ABCC9: variants seen among roughly 807,000 people sequenced by gnomAD.
The protein encoded by ABCC9 is ATP binding cassette subfamily C member 9.
ABCC9 carries 95 observed loss-of-function variants against 188.3 expected under a neutral mutation model. The ratio of observed to expected loss-of-function variants is 0.50; its 90% CI spans 0.43 to 0.60. The LOEUF (loss-of-function observed/expected upper bound fraction) is 0.60. Among genes scored for constraint, ABCC9 ranks in the 20% least tolerant of loss-of-function variants. The pLI is 0.00. For synonymous variants in ABCC9, 659 were observed against 652.7 expected, an observed-to-expected ratio of 1.01 and a Z score of -0.15; for missense variants, 1,102 against 1,876.3, an observed-to-expected ratio of 0.59 and a Z score of 7.62.
intron 30 of ABCC9, among the ~76,000 whole-genome samples, chr12:21,831,809 G>A (rs1425079681): frequency 2.0e-5 from 3 of 152,206 alleles, no homozygotes; most frequent in African/African-American, 7.2e-5. Flanking sequence ...CTCCCTAGAG[G>A]ACTGTGTGAT....
chr12:21,806,510 C>G (rs543369117), intron 38 of ABCC9, among the ~76,000 whole-genome samples: 2 of 152,302 alleles, frequency 1.3e-5, no homozygotes, highest in African/African-American at 4.8e-5. Flanking sequence ...ATCTCCACCA[C>G]AAAGCACTGT....
intron 16 of ABCC9, among the ~76,000 whole-genome samples, chr12:21,880,474 G>A (rs1029790673): frequency 1.3e-5 from 2 of 152,078 alleles, no homozygotes; most frequent in African/African-American, 4.8e-5. Flanking sequence ...AGTGGGAGAA[G>A]AATTTTGCAA....
In ABCC9 at chr12:21,807,473, A is replaced by G. The variant is rs140448278; in HGVS notation, c.4322T>C (p.Val1441Ala). The change falls in exon 38 of 40, where the codon GTT becomes GCT. Residue 1441 changes from valine to alanine, a missense_variant. Physicochemically the swap from Val to Ala is moderately conservative, Grantham distance 64. This residue lies in a region of ABCC9 where 67 missense variants were observed against 101.0 expected (regional missense o/e 0.66). Transcript: ENST00000261200. Reference protein sequence around the residue: ...VKSLPGGLDAVVTEGGENFSV... With the variant: ...VKSLPGGLDAAVTEGGENFSV... ...AAAATTCTCCCCACCTTCAGTGACA[A>G]CCGCATCTAAATCAGAGAAAGAAGC... The G allele has an allele frequency of 6.2e-7, 1 of 1,613,826 alleles. No homozygotes were observed. Among genetic ancestry groups the G allele is most frequent in the Non-Finnish European group, 8.5e-7 (1 of 1,179,764 alleles).
At chr12:21,855,258 C>T (rs373154025) in intron 22 of ABCC9, among the ~76,000 whole-genome samples, 22 of 152,206 alleles carry the variant, frequency 1.4e-4, no homozygotes, top group African/African-American at 4.8e-4. Flanking sequence ...CTCACTCTGT[C>T]GCCCAGGCTG....
chr12:21,927,082 G>A (rs1169345746), intron 4 of ABCC9, among the ~76,000 whole-genome samples: 2 of 152,268 alleles, frequency 1.3e-5, no homozygotes, highest in African/African-American at 2.4e-5. Context: ...GAATCCACTG[G>A]TCAGGAAAAG....
At chr12:21,809,786 C>T (rs941021905) in intron 37 of ABCC9, 66 bp downstream of exon 37, 16 of 926,034 alleles carry the variant, frequency 1.7e-5, no homozygotes, top group African/African-American at 1.3e-4. Context: ...TAGCATAAAA[C>T]GTAGATAGAC....
chr12:21,930,312 T>C (rs1256953838), intron 4 of ABCC9, among the ~76,000 whole-genome samples: 1 of 152,184 alleles, frequency 6.6e-6, no homozygotes, highest in Non-Finnish European at 1.5e-5. Flanking sequence ...ATTCTTCTGA[T>C]ATGTATTGTA....
chr12:21,926,158 T>C (rs1390973917), intron 4 of ABCC9, 95 bp from the exon 5 acceptor site: 8 of 1,528,594 alleles, frequency 5.2e-6, no homozygotes, highest in Non-Finnish European at 6.3e-6. Flanking sequence ...ATCTTAGCAA[T>C]AAGATGTTTA....
Position 21,863,070 on chromosome 12 carries a change from G to T in ABCC9, c.2238-16C>A. 1 of 1,299,852 alleles carries T rather than the reference G, an allele frequency of 7.7e-7. No homozygotes were observed. The highest frequency in any genetic ancestry group is 1.5e-5 in the African/African-American group (1 of 65,506). 80.5% of individuals were successfully genotyped at this position (1,299,852 alleles called of 1,614,324 possible). ...CCTGTTCCTACTGAAAAATGAAAAA[G>T]AAAAAAAAAAACACCAGGATTATGC... On this transcript the variant is annotated splice_polypyrimidine_tract_variant and intron_variant, in intron 19 of 39. Coordinates refer to ENST00000261200, the MANE Select transcript of ABCC9 (RefSeq NM_020297.4).
At position 21,800,994 on chromosome 12, in the gene ABCC9, A is replaced by G; in HGVS notation, c.*50T>C. The G allele has an allele frequency of 1.2e-6, 2 of 1,608,046 alleles. No individual in the cohort carries two copies. Among genetic ancestry groups the G allele is most frequent in the Non-Finnish European group, 1.7e-6 (2 of 1,176,452 alleles). ...AGGTCAAGCTGATGATCCATTAATT[A>G]GGTTATGACTGCATTATTTTAAATA... On this transcript the variant is annotated 3_prime_UTR_variant, in exon 40 of 40. Transcript: ENST00000261200.
chr12:21,853,072 T>C (rs1945048272), intron 22 of ABCC9, among the ~76,000 whole-genome samples: 1 of 152,188 alleles, frequency 6.6e-6, no homozygotes, highest in African/African-American at 2.4e-5. Context: ...CCCAGCATTT[T>C]GGGAGGCCAA....
intron 18 of ABCC9, among the ~76,000 whole-genome samples, chr12:21,871,096 G>T (rs1565762725): frequency 2.0e-5 from 3 of 152,132 alleles, no homozygotes; most frequent in Non-Finnish European, 4.4e-5. Flanking sequence ...CTGTTTTAAT[G>T]ATGGTAAATC....
At chr12:21,811,194 C>A (rs1942212168) in intron 36 of ABCC9, among the ~76,000 whole-genome samples, 1 of 152,158 alleles carries the variant, frequency 6.6e-6, no homozygotes, top group African/African-American at 2.4e-5. Context: ...CTCCCTCTTT[C>A]CTGGCACCAT....
intron 22 of ABCC9, among the ~76,000 whole-genome samples, chr12:21,857,376 A>T (rs1945279093): frequency 6.6e-6 from 1 of 152,178 alleles, no homozygotes; most frequent in African/African-American, 2.4e-5. Context: ...ATATATATAT[A>T]TTTTGCTGCA....
At chr12:21,838,048 G>T (rs1944192463) in intron 30 of ABCC9, 30 bp downstream of exon 30, 3 of 1,497,488 alleles carry the variant, frequency 2.0e-6, no homozygotes, top group Admixed American at 3.3e-5. Context: ...TTATTGCCTA[G>T]TCAGCTAATA....
At chr12:21,824,039 A>G (rs1226763677) in intron 31 of ABCC9, among the ~76,000 whole-genome samples, 1 of 152,256 alleles carries the variant, frequency 6.6e-6, no homozygotes, top group Non-Finnish European at 1.5e-5. Flanking sequence ...TCCATAGGGA[A>G]AACTATCTGT....
At chr12:21,883,068 T>C (rs957771968) in intron 15 of ABCC9, among the ~76,000 whole-genome samples, 195 bp from the exon 16 acceptor site, 9 of 152,192 alleles carry the variant, frequency 5.9e-5, no homozygotes, top group African/African-American at 2.2e-4. Flanking sequence ...ACATGCCTCT[T>C]GAGAAAAAAT....
chr12:21,915,802 A>G lies in ABCC9; in HGVS notation c.682T>C (p.Tyr228His). ...ATAATAAGTGTGTTCATCCACCAGT[A>G]TGTTGCTTTTGACAGCAAATTCACA... ...PFVNLLSKAT[Y>H]WWMNTLIISA... The change falls in exon 7 of 40, where the codon TAC becomes CAC. Residue 228 changes from tyrosine to histidine, a missense_variant. Tyr to His is a moderately conservative substitution (Grantham distance 83). Around this residue, in one of 12 missense-constraint regions of ABCC9, gnomAD observed 305 missense variants for 573.0 expected, o/e 0.53. Coordinates refer to ENST00000261200, the MANE Select transcript of ABCC9 (RefSeq NM_020297.4). 4.3e-6 allele frequency: 7 copies of G among 1,613,552 alleles called. No individual in the cohort carries two copies. The highest frequency in any genetic ancestry group is 5.9e-6 in the Non-Finnish European group (7 of 1,179,802).
intron 8 of ABCC9, 142 bp from the exon 9 acceptor site, chr12:21,911,120 A>G (rs1565475831): frequency 7.8e-6 from 6 of 770,786 alleles, no homozygotes; most frequent in Non-Finnish European, 1.2e-5. Context: ...ATACAATACA[A>G]ACCAGGTAAA....
Sources: gnomAD v4.1 joint callset for allele counts (sites outside exome capture counted in the v4.1 genomes callset) on GRCh38, gnomAD v4.1.1 for gene constraint, gnomAD v4.1.1 regional missense constraint, MANE v1.5 for transcripts, NCBI Gene and HGNC (gene_info 2026-07-23, HGNC 2026-07-21) for gene names.